Variants in PKHD1 observed in about 807,000 individuals in gnomAD.
PKHD1 encodes PKHD1 ciliary IPT domain containing fibrocystin/polyductin, also known as fibrocystin.
In PKHD1, 291 loss-of-function variants were observed where a neutral mutation model predicts 412.0. The ratio of observed to expected loss-of-function variants is 0.71; its 90% CI spans 0.64 to 0.78. The LOEUF (loss-of-function observed/expected upper bound fraction) is 0.78, where lower values mean the gene tolerates loss of function less well. PKHD1 is among the 30% of genes least tolerant of loss of function. The pLI is 0.00. For missense variants in PKHD1, 4,825 were observed against 4,950.7 expected, an observed-to-expected ratio of 0.97 and a Z score of 0.76; for synonymous variants, 1,777 against 1,821.5, an observed-to-expected ratio of 0.98 and a Z score of 0.62.
chr6:52,021,506 G>T (rs1161497769), intron 33 of PKHD1, among the ~76,000 whole-genome samples: 1 of 152,106 alleles, frequency 6.6e-6, no homozygotes, highest in Non-Finnish European at 1.5e-5. Context: ...TTCTGTTTAT[G>T]CTATCTCTCA....
At chr6:51,754,969 A>T (rs1786717773) in intron 55 of PKHD1, 31 bp from the exon 56 acceptor site, 2 of 1,583,484 alleles carry the variant, frequency 1.3e-6, no homozygotes. Flanking sequence ...CATTGGATAT[A>T]CTAACAGTGC....
At chr6:51,983,260 C>T (rs1036751597) in intron 35 of PKHD1, among the ~76,000 whole-genome samples, 24 of 152,126 alleles carry the variant, frequency 1.6e-4, no homozygotes, top group African/African-American at 4.8e-5. Flanking sequence ...GCCTAGACTA[C>T]AAAAAATAAG....
At chr6:51,627,858 T>C (rs377635371) in intron 65 of PKHD1, among the ~76,000 whole-genome samples, 26 of 152,260 alleles carry the variant, frequency 1.7e-4, no homozygotes, top group Non-Finnish European at 3.1e-4. Flanking sequence ...ATAAATTCAT[T>C]CATCTAAAAT....
At chr6:52,075,633 T>C (rs1811232908) in intron 6 of PKHD1, among the ~76,000 whole-genome samples, 1 of 152,212 alleles carries the variant, frequency 6.6e-6, no homozygotes, top group Non-Finnish European at 1.5e-5. Flanking sequence ...AATATCTGTG[T>C]GCTCTCTAAC....
At chr6:52,051,937 A>G (rs985710977) in intron 21 of PKHD1, among the ~76,000 whole-genome samples, 4 of 152,160 alleles carry the variant, frequency 2.6e-5, no homozygotes, top group African/African-American at 9.7e-5. Flanking sequence ...ACAATAAGCA[A>G]TGACCCAGAT....
rs2499489 is a variant in PKHD1 at position 51,993,829 on chromosome 6, A to G, written c.5751+16480T>C. On this transcript the variant is annotated intron_variant, in intron 35 of 66. Coordinates refer to ENST00000371117, the MANE Select transcript of PKHD1 (RefSeq NM_138694.4). ...AAGAAAACTTCCTTGGATGTATAAG[A>G]TGTTAGACTGAAAAGAAACCTTCAG... Among the ~76,000 whole-genome samples, 1,135 of 152,330 alleles carry G rather than the reference A, an allele frequency of 7.5e-3. 14 individuals are homozygous for G. Among genetic ancestry groups the G allele is most frequent in the African/African-American group, 0.026 (1,067 of 41,570 alleles).
intron 37 of PKHD1, among the ~76,000 whole-genome samples, chr6:51,931,408 G>T (rs186505372): frequency 1.9e-3 from 288 of 152,260 alleles, no homozygotes; most frequent in Non-Finnish European, 3.3e-3. Flanking sequence ...TAAAGCCCCA[G>T]TGTCACCAGA....
chr6:52,033,798 G>T (rs1803460476), intron 28 of PKHD1, among the ~76,000 whole-genome samples: 1 of 152,138 alleles, frequency 6.6e-6, no homozygotes, highest in Admixed American at 6.5e-5. Context: ...CTGATACGAT[G>T]GAACTTTTTT....
At chr6:51,912,025 T>A in intron 38 of PKHD1, 69 bp from the exon 39 acceptor site, 2 of 1,170,804 alleles carry the variant, frequency 1.7e-6, no homozygotes, top group South Asian at 1.3e-5. Context: ...AATAAGCCAC[T>A]AGATTAACAT....
intron 63 of PKHD1, among the ~76,000 whole-genome samples, chr6:51,646,567 C>G (rs946971650): frequency 2.6e-5 from 4 of 152,134 alleles, no homozygotes; most frequent in Non-Finnish European, 5.9e-5. Flanking sequence ...AAAGGGCCTA[C>G]GTCTTAATTT....
chr6:51,974,139 G>GAAT (rs555502914), intron 35 of PKHD1, among the ~76,000 whole-genome samples: 25 of 152,300 alleles, frequency 1.6e-4, no homozygotes, highest in Non-Finnish European at 7.4e-5. Context: ...CCCACTCATT[G>GAAT]ATGACCTTCT....
chr6:51,627,525 T>C (rs2225243), intron 65 of PKHD1, among the ~76,000 whole-genome samples: 6,515 of 152,094 alleles, frequency 0.043, 234 homozygotes, highest in African/African-American at 0.093. Flanking sequence ...GTGCCTTGCA[T>C]ATGTGGCTCA....
In PKHD1 at chr6:51,619,249, C is replaced by A. The variant is rs1766308700; in HGVS notation, c.12057G>T (p.Leu4019=). The A allele has an allele frequency of 6.2e-7, 1 of 1,614,244 alleles. No homozygotes were observed. The highest frequency in any genetic ancestry group is 1.1e-5 in the South Asian group (1 of 91,086). The change falls in exon 67 of 67, where the codon CTG becomes CTT. Residue 4019 remains leucine (L), a synonymous_variant. Coordinates refer to ENST00000371117, the MANE Select transcript of PKHD1 (RefSeq NM_138694.4). Reference sequence around the variant, plus strand: ...TCTCTTGTCTGAAGTCTGGGCATAGCAGCAGCAGCTGATTTTGGCCTGCCA... The same window carrying A: ...TCTCTTGTCTGAAGTCTGGGCATAGAAGCAGCAGCTGATTTTGGCCTGCCA... The part of the protein sequence containing the change: ...YQLAGQNQLL[L]LCPDFRQERQ...
intron 52 of PKHD1, among the ~76,000 whole-genome samples, chr6:51,795,317 G>A (rs1253465717): frequency 6.6e-6 from 1 of 152,132 alleles, no homozygotes; most frequent in Non-Finnish European, 1.5e-5. Context: ...TTTGCGAGTT[G>A]GCTCTTGGCT....
At chr6:52,048,849 C>CT (rs1806292094) in intron 22 of PKHD1, among the ~76,000 whole-genome samples, 1 of 152,194 alleles carries the variant, frequency 6.6e-6, no homozygotes, top group African/African-American at 2.4e-5. Flanking sequence ...CATTTAGAGC[C>CT]TACCGATATG....
chr6:51,818,528 T>C (rs6458795), intron 52 of PKHD1, among the ~76,000 whole-genome samples: 140,278 of 152,238 alleles, frequency 0.92, 65,768 homozygotes, highest in East Asian at 1. Context: ...CATGCCCTCT[T>C]GCGATCATTT....
intron 36 of PKHD1, among the ~76,000 whole-genome samples, chr6:51,949,249 C>T (rs749601888): frequency 3.7e-4 from 57 of 152,270 alleles, no homozygotes; most frequent in Non-Finnish European, 7.8e-4. Flanking sequence ...TATATTCTTA[C>T]CTTTCAATTA....
At chr6:51,687,700 T>C (rs1414281871) in intron 60 of PKHD1, among the ~76,000 whole-genome samples, 2 of 152,210 alleles carry the variant, frequency 1.3e-5, no homozygotes, top group African/African-American at 4.8e-5. Context: ...ATTAATTAAA[T>C]ACTGGTCTCT....
chr6:52,059,406 G>A (rs1229478647), intron 15 of PKHD1, among the ~76,000 whole-genome samples: 1 of 151,196 alleles, frequency 6.6e-6, no homozygotes, highest in South Asian at 2.1e-4. Flanking sequence ...GCGCCACCAT[G>A]CCTGGCTAAT....
Sources: allele counts gnomAD v4.1 joint callset (sites outside exome capture counted in the v4.1 genomes callset), GRCh38; gene constraint gnomAD v4.1.1; transcripts MANE v1.5; gene names NCBI Gene and HGNC (gene_info 2026-07-23, HGNC 2026-07-21).